ASMT: variants seen among roughly 807,000 people sequenced by gnomAD.
ASMT encodes the protein acetylserotonin N-methyltransferase.
Under a neutral mutation model 41.3 loss-of-function variants are expected in ASMT, and 53 were observed. The ratio of observed to expected loss-of-function variants is 1.28; its 90% CI spans 1.03 to 1.61. The LOEUF (loss-of-function observed/expected upper bound fraction) is 1.61, where lower values mean the gene tolerates loss of function less well. Ranked by LOEUF, ASMT falls within the 40% of genes most tolerant of loss-of-function variation. The pLI is 0.00. For missense variants in ASMT, 531 were observed against 441.3 expected (o/e 1.20, Z -1.82); for synonymous variants, 231 against 184.8 (o/e 1.25, Z -2.03).
intron 1 of ASMT, among the ~76,000 whole-genome samples, chrX:1,622,805 G>A (rs1934383311): frequency 6.6e-6 from 1 of 151,610 alleles, no homozygotes; most frequent in Non-Finnish European, 1.5e-5. Flanking sequence ...CCAGCTACTC[G>A]GGAGGCTGAG....
intron 7 of ASMT, among the ~76,000 whole-genome samples, chrX:1,635,318 A>G (rs1334284705): frequency 6.6e-6 from 1 of 151,920 alleles, no homozygotes; most frequent in Non-Finnish European, 1.5e-5. Flanking sequence ...GCTCACCAAG[A>G]TCTCTCCCAA....
At chrX:1,630,080 A>T in intron 5 of ASMT, 141 bp downstream of exon 5, 1 of 816,058 alleles carries the variant, frequency 1.2e-6, no homozygotes, top group Non-Finnish European at 2.2e-6. Context: ...CATTCCTCCC[A>T]GCACTGGGCA....
chrX:1,633,901 G>T (rs1934866962), intron 7 of ASMT, among the ~76,000 whole-genome samples: 2 of 152,166 alleles, frequency 1.3e-5, no homozygotes, highest in African/African-American at 4.8e-5. Context: ...GCCTCCCAAA[G>T]TGCTGGGATT....
chrX:1,641,261 G>A (rs866129674), intron 8 of ASMT, among the ~76,000 whole-genome samples: 5 of 10,668 alleles, frequency 4.7e-4, no homozygotes, highest in African/African-American at 6.8e-4. Context: ...GAGGATGTGG[G>A]CACAGCCTCT....
chrX:1,636,613 G>T, intron 8 of ASMT, 53 bp downstream of exon 8: 1 of 1,613,210 alleles, frequency 6.2e-7, no homozygotes, highest in Non-Finnish European at 8.5e-7. Context: ...GGGCAGAATT[G>T]TACGAGTCAC....
At position 1,628,917 on chromosome X, in the gene ASMT, CGTTTCTCTCTTT is replaced by C. The variant is rs1482745665; in HGVS notation, c.444-903_444-892del. Among the ~76,000 whole-genome samples, 366 of 133,694 alleles carry C rather than the reference CGTTTCTCTCTTT, an allele frequency of 2.7e-3. 2 individuals are homozygous for C. Among genetic ancestry groups the C allele is most frequent in the African/African-American group, 0.01 (347 of 33,658 alleles). The allele number at this position is 133,694 out of a possible 152,430, so 87.7% of individuals were successfully genotyped here. On this transcript the variant is annotated intron_variant, in intron 4 of 8. Transcript: ENST00000381241. Reference sequence around the variant, plus strand: ...CTCCTCGGTCTGCTTTCCTTTCCCCCGTTTCTCTCTTTCTTTCTCTCTCTCTTTCTTTCTTTC... The same window carrying C: ...CTCCTCGGTCTGCTTTCCTTTCCCCCCTTTCTCTCTCTCTTTCTTTCTTTC...
At chrX:1,629,196 G>A (rs1453944076) in intron 4 of ASMT, among the ~76,000 whole-genome samples, 2 of 152,134 alleles carry the variant, frequency 1.3e-5, no homozygotes, top group African/African-American at 4.8e-5. Context: ...TTGCAGCCTA[G>A]GCTTTTAGTG....
At chrX:1,633,439 G>C in intron 7 of ASMT, 149 bp downstream of exon 7, 1 of 885,000 alleles carries the variant, frequency 1.1e-6, no homozygotes, top group Non-Finnish European at 1.9e-6. Flanking sequence ...ATTCATGATG[G>C]ATGGAAAGCT....
At position 1,627,783 on chromosome X, in the gene ASMT, C is replaced by T; in HGVS notation, c.443+12C>T. 3 of 1,612,204 alleles carry T rather than the reference C, an allele frequency of 1.9e-6. No homozygotes were observed. Among genetic ancestry groups the T allele is most frequent in the Non-Finnish European group, 2.5e-6 (3 of 1,178,246 alleles). ...ACGGCCATCTACAGGTAACACCCATCACTTTGAAACCAACAACTCAGATAA... is the reference window on the plus strand; with the variant it reads ...ACGGCCATCTACAGGTAACACCCATTACTTTGAAACCAACAACTCAGATAA... On this transcript the variant is annotated intron_variant, in intron 4 of 8. Transcript: ENST00000381241.
chrX:1,632,253 C>T (rs1199982889), intron 5 of ASMT, among the ~76,000 whole-genome samples: 1 of 152,082 alleles, frequency 6.6e-6, no homozygotes, highest in Non-Finnish European at 1.5e-5. Context: ...AGTGCGTGGC[C>T]ATATGGAAGT....
intron 1 of ASMT, among the ~76,000 whole-genome samples, chrX:1,622,772 C>T (rs1934382198): frequency 6.6e-6 from 1 of 151,308 alleles, no homozygotes; most frequent in Admixed American, 6.6e-5. Flanking sequence ...ATTAGACAGG[C>T]ATGGTGGAAC....
chrX:1,629,018 C>T (rs1410843782), intron 4 of ASMT, among the ~76,000 whole-genome samples: 3 of 150,660 alleles, frequency 2.0e-5, no homozygotes, highest in Admixed American at 6.7e-5. Flanking sequence ...TGCCTGCCTT[C>T]CTTCCTTCCC....
chrX:1,618,402 G>C (rs1291363204), intron 1 of ASMT, among the ~76,000 whole-genome samples: 3 of 151,708 alleles, frequency 2.0e-5, no homozygotes, highest in African/African-American at 7.3e-5. Flanking sequence ...GACCTCGGGC[G>C]ATCTGCCTGC....
At chrX:1,618,872 A>G (rs1372113366) in intron 1 of ASMT, among the ~76,000 whole-genome samples, 13 of 152,184 alleles carry the variant, frequency 8.5e-5, no homozygotes, top group Non-Finnish European at 5.9e-5. Context: ...TCGCTGGTTC[A>G]CAGCGGTGTT....
At chrX:1,622,243 AGG>A (rs1934363112) in intron 1 of ASMT, among the ~76,000 whole-genome samples, 2 of 120,630 alleles carry the variant, frequency 1.7e-5, no homozygotes, top group East Asian at 2.6e-4. Context: ...CTACCCTCCT[AGG>A]CCTCCCAAAG....
At chrX:1,634,534 C>G (rs73620121) in intron 7 of ASMT, among the ~76,000 whole-genome samples, 1,710 of 152,218 alleles carry the variant, frequency 0.011, 33 homozygotes, top group African/African-American at 0.038. Context: ...GCCCAGAGAC[C>G]CAGCTGAACA....
intron 5 of ASMT, 137 bp downstream of exon 5, chrX:1,630,076 T>A (rs1934714827): frequency 1.2e-6 from 1 of 836,728 alleles, no homozygotes; most frequent in Non-Finnish European, 2.1e-6. Flanking sequence ...GAATCATTCC[T>A]CCCAGCACTG....
intron 6 of ASMT, 71 bp from the exon 7 acceptor site, chrX:1,633,079 T>G: frequency 1.3e-6 from 2 of 1,581,208 alleles, no homozygotes; most frequent in Non-Finnish European, 1.7e-6. Flanking sequence ...CATGAGTCCA[T>G]GGTGTGTGGA....
intron 1 of ASMT, among the ~76,000 whole-genome samples, chrX:1,619,189 T>C (rs1258696823): frequency 6.6e-6 from 1 of 150,772 alleles, no homozygotes; most frequent in Non-Finnish European, 1.5e-5. Flanking sequence ...AGGTCAGGAG[T>C]TCGAGACCAG....
Sources: gnomAD v4.1 joint callset for allele counts (sites outside exome capture counted in the v4.1 genomes callset) on GRCh38, gnomAD v4.1.1 for gene constraint, MANE v1.5 for transcripts, NCBI Gene and HGNC (gene_info 2026-07-23, HGNC 2026-07-21) for gene names.